COL11A2: variants seen among roughly 807,000 people sequenced by gnomAD.
The protein encoded by COL11A2 is collagen alpha-2(XI) chain.
COL11A2 carries 116 observed loss-of-function variants against 273.4 expected under a neutral mutation model. That is an observed-to-expected ratio of 0.42 (90% CI 0.36 to 0.49). The LOEUF (loss-of-function observed/expected upper bound fraction) is 0.49. Ranked by LOEUF, COL11A2 falls within the 20% of genes least tolerant of loss-of-function variation. COL11A2 has a pLI of 0.00. For missense variants in COL11A2, 1,866 were observed against 2,309.0 expected (o/e 0.81, Z 3.93); for synonymous variants, 782 against 864.2 (o/e 0.90, Z 1.67).
chr6:33,176,388 T>A lies in COL11A2; in HGVS notation c.2169+45A>T, dbSNP rs762650312. 6.2e-7 allele frequency: 1 copy of A among 1,607,532 alleles called. No individual in the cohort carries two copies. The highest frequency in any genetic ancestry group is 2.2e-5 in the East Asian group (1 of 44,802). On this transcript the variant is annotated intron_variant, in intron 27 of 65. Transcript: ENST00000341947. The surrounding 1 kb of genome is among the most constrained non-coding windows in gnomAD (Gnocchi z 4.9). ...CCAAGCTCCTAAGACCCCATATAGCTCCCCTGACCACAGCCCTTTGTCTCC... is the reference window on the plus strand; with the variant it reads ...CCAAGCTCCTAAGACCCCATATAGCACCCCTGACCACAGCCCTTTGTCTCC...
In COL11A2 at chr6:33,169,094, T is replaced by C. The variant is rs1368838027; in HGVS notation, c.3799-86A>G. Reference sequence around the variant, plus strand: ...GCCCACAGGCACACGCCACTGCCTCTCTAGAGGCAGTGCCCACCAGTACCC... The same window carrying C: ...GCCCACAGGCACACGCCACTGCCTCCCTAGAGGCAGTGCCCACCAGTACCC... On this transcript the variant is annotated intron_variant, in intron 51 of 65. Transcript: ENST00000341947. This position sits in a 1 kb window ranked among gnomAD's most constrained non-coding sequence, Gnocchi z 5.5. 7.3e-7 allele frequency: 1 copy of C among 1,361,550 alleles called. No homozygotes were observed. Among genetic ancestry groups the C allele is most frequent in the Non-Finnish European group, 1.0e-6 (1 of 992,010 alleles). 84.3% of individuals were successfully genotyped at this position (1,361,550 alleles called of 1,614,324 possible). A position where few individuals can be genotyped will look rare whatever the true frequency, so the allele number is the denominator to read the frequency against.
chr6:33,177,806 C>A lies in COL11A2; in HGVS notation c.1873-100G>T. The A allele has an allele frequency of 1.5e-6, 2 of 1,306,926 alleles. No homozygotes were observed. The highest frequency in any genetic ancestry group is 2.2e-6 in the Non-Finnish European group (2 of 915,288). 81.0% of individuals were successfully genotyped at this position (1,306,926 alleles called of 1,614,324 possible). A position where few individuals can be genotyped will look rare whatever the true frequency, so the allele number is the denominator to read the frequency against. On this transcript the variant is annotated intron_variant, in intron 21 of 65. Coordinates refer to ENST00000341947, the MANE Select transcript of COL11A2 (RefSeq NM_080680.3). This position sits in a 1 kb window ranked among gnomAD's most constrained non-coding sequence, Gnocchi z 5.9. Reference sequence around the variant, plus strand: ...CCCGAGGGTGTGACGGTCAGACCTCCAATCCATCCCAAACCCAAGCAAACA... The same window carrying A: ...CCCGAGGGTGTGACGGTCAGACCTCAAATCCATCCCAAACCCAAGCAAACA...
chr6:33,169,768 GT>G lies in COL11A2; in HGVS notation c.3690+62del. 6.3e-7 allele frequency: 1 copy of G among 1,599,542 alleles called. No individual in the cohort carries two copies. Among genetic ancestry groups the G allele is most frequent in the Non-Finnish European group, 8.6e-7 (1 of 1,166,844 alleles). ...CCAGCTCAAGGAGGTCACAGGAAAA[GT>G]GGAGGCAGGGTTGAGGCGGGTGACG... is the stretch of plus-strand genomic sequence containing the variant. On this transcript the variant is annotated intron_variant, in intron 50 of 65. Transcript: ENST00000341947. The surrounding 1 kb of genome is among the most constrained non-coding windows in gnomAD (Gnocchi z 5.5).
Position 33,172,618 on chromosome 6 carries a change from C to T in COL11A2, c.2810G>A (p.Gly937Asp). ...VGPQGAAGET[G>D]PMGERGHPGP... ...TGGGTGACCTCTCTCCCCCATAGGGCCGGTTTCTCCTGCTGCTCCCTAGAC... is the reference window on the plus strand; with the variant it reads ...TGGGTGACCTCTCTCCCCCATAGGGTCGGTTTCTCCTGCTGCTCCCTAGAC... The change falls in exon 39 of 66, where the codon GGC becomes GAC. Residue 937 changes from glycine (G) to aspartate (D), a missense_variant. By Grantham distance (94) the Gly-to-Asp change is moderately conservative. Transcript: ENST00000341947. The T allele has an allele frequency of 6.2e-7, 1 of 1,612,556 alleles. No homozygotes were observed. The highest frequency in any genetic ancestry group is 8.5e-7 in the Non-Finnish European group (1 of 1,179,918).
In COL11A2 at chr6:33,168,999, C is replaced by T. The variant is rs1187888330; in HGVS notation, c.3808G>A (p.Gly1270Ser). Reference protein sequence around the residue: ...DGPKGNPGPVGFPGDPGPPGE... With the variant: ...DGPKGNPGPVSFPGDPGPPGE... The stretch of plus-strand genomic sequence containing the variant: ...GGGGGGCCAGGGTCACCAGGAAAAC[C>T]AACAGGACCCTGATCCAGATGGAGA... Residue 1270 changes from glycine (G) to serine (S), a missense_variant, in exon 52 of 66, where the codon GGT becomes AGT. Physicochemically the swap from Gly to Ser is moderately conservative, Grantham distance 56 (BLOSUM62 0). Coordinates refer to ENST00000341947, the MANE Select transcript of COL11A2 (RefSeq NM_080680.3). 1.2e-6 allele frequency: 2 copies of T among 1,608,568 alleles called. No homozygotes were observed. The highest frequency in any genetic ancestry group is 1.3e-5 in the African/African-American group (1 of 74,650).
Position 33,168,703 on chromosome 6 carries a change from C to T in COL11A2, c.3906+3G>A, listed in dbSNP as rs753416903. Reference sequence around the variant, plus strand: ...GGGGGTGGTGGGGTCACCAGGCACTCACAGGCTGTCCTGGCTCACCATCCT... The same window carrying T: ...GGGGGTGGTGGGGTCACCAGGCACTTACAGGCTGTCCTGGCTCACCATCCT... On this transcript the variant is annotated splice_donor_region_variant and intron_variant, in intron 53 of 65. Transcript: ENST00000341947. 7 of 1,590,922 alleles carry T rather than the reference C, an allele frequency of 4.4e-6. No homozygotes were observed. The South Asian group carries it at 8.0e-5, about 18-fold the overall frequency.
intron 4 of COL11A2, among the ~76,000 whole-genome samples, chr6:33,187,663 C>T (rs571308898): frequency 1.3e-5 from 2 of 152,008 alleles, no homozygotes; most frequent in East Asian, 1.9e-4. Context: ...TAGATGGAAG[C>T]AAATGGGTGA....
chr6:33,177,333 A>G lies in COL11A2; in HGVS notation c.1971+79T>C. ...GGGCCTGAAACCCTTAATTTCCTGTATCCTTCCAGGGTCTCACCCATTGTG... is the reference window on the plus strand; with the variant it reads ...GGGCCTGAAACCCTTAATTTCCTGTGTCCTTCCAGGGTCTCACCCATTGTG... On this transcript the variant is annotated intron_variant, in intron 23 of 65. Transcript: ENST00000341947. The surrounding 1 kb of genome is among the most constrained non-coding windows in gnomAD (Gnocchi z 5.9). 2 of 1,603,144 alleles carry G rather than the reference A, an allele frequency of 1.2e-6. No individual in the cohort carries two copies. Among genetic ancestry groups the G allele is most frequent in the East Asian group, 2.2e-5 (1 of 44,810 alleles).
chr6:33,174,464 G>A, intron 31 of COL11A2, 63 bp downstream of exon 31: 2 of 1,589,248 alleles, frequency 1.3e-6, no homozygotes, highest in Non-Finnish European at 1.7e-6. Context: ...CTGGAATCAG[G>A]GATCAGGGAA....
In COL11A2 at chr6:33,173,380, G is replaced by A. The variant is rs774354851; in HGVS notation, c.2704C>T (p.Leu902=). The change falls in exon 37 of 66, where the codon CTG becomes TTG. Residue 902 remains leucine, a synonymous_variant. Transcript: ENST00000341947. The surrounding 1 kb of genome is among the most constrained non-coding windows in gnomAD (Gnocchi z 6.3). ...GPPGPPGKDG[L]PGHPGQRGEV... ...CCTCTTTGGCCTGGGTGTCCCGGCA[G>A]CCCATCCTTCCCAGGGGGGCCCTGG... is the stretch of plus-strand genomic sequence containing the variant. The A allele has an allele frequency of 2.5e-6, 4 of 1,612,758 alleles. No individual in the cohort carries two copies. Among genetic ancestry groups the A allele is most frequent in the Middle Eastern group, 3.3e-4 (2 of 6,062 alleles).
Position 33,178,932 on chromosome 6 carries a change from A to G in COL11A2, c.1653T>C (p.Asp551=). 1.2e-6 allele frequency: 2 copies of G among 1,613,902 alleles called. No individual in the cohort carries two copies. The highest frequency in any genetic ancestry group is 1.1e-5 in the South Asian group (1 of 91,078). ...CCAAGCCTGTTACCTTCACTCCAGG[A>G]TCTCCAGGCATCCCTCGGGCTCCAT... ...GADGARGMPG[D]PGVKGDRGFD... is the part of the protein sequence containing the mutation. Residue 551 remains aspartate (D), a synonymous_variant, in exon 17 of 66, where the codon GAT becomes GAC. Transcript: ENST00000341947. This position sits in a 1 kb window ranked among gnomAD's most constrained non-coding sequence, Gnocchi z 4.6.
intron 8 of COL11A2, among the ~76,000 whole-genome samples, chr6:33,181,575 A>G (rs1583357208): frequency 6.6e-6 from 1 of 152,128 alleles, no homozygotes; most frequent in South Asian, 2.1e-4. Context: ...TCCAGGTTCA[A>G]GTGATTCTCC....
rs1216685922 is a variant in COL11A2, at chr6:33,182,710, CA to C, written c.1119+1434del. ...TGGGTGACAGAGTGAGACCCTGCCT[CA>C]AAAAAAAAAAAAATTGGAGAGCAGT... On this transcript the variant is annotated intron_variant, in intron 8 of 65. Transcript: ENST00000341947. Among the ~76,000 whole-genome samples, 396 of 120,240 alleles carry C rather than the reference CA, an allele frequency of 3.3e-3. 6 individuals are homozygous for C. In the South Asian group the frequency reaches 0.038, roughly 12 times the overall value. The allele number at this position is 120,240 out of a possible 152,430, so 78.9% of individuals were successfully genotyped here.
intron 6 of COL11A2, 149 bp downstream of exon 6, chr6:33,185,552 G>A: frequency 4.4e-6 from 2 of 455,498 alleles, no homozygotes; most frequent in Non-Finnish European, 8.9e-6. Flanking sequence ...CAGAGAGACA[G>A]GGAGGGGGCA....
Position 33,177,739 on chromosome 6 carries a change from G to A in COL11A2, c.1873-33C>T. 1 of 1,612,760 alleles carries A rather than the reference G, an allele frequency of 6.2e-7. No individual in the cohort carries two copies. Among genetic ancestry groups the A allele is most frequent in the Non-Finnish European group, 8.5e-7 (1 of 1,179,854 alleles). Reference sequence around the variant, plus strand: ...ACAAGATGGGTGTGAGCAGCCTGAAGGTGGCCCGGAGGGACCTGTGGTTTT... The same window carrying A: ...ACAAGATGGGTGTGAGCAGCCTGAAAGTGGCCCGGAGGGACCTGTGGTTTT... On this transcript the variant is annotated intron_variant, in intron 21 of 65. Coordinates refer to ENST00000341947, the MANE Select transcript of COL11A2 (RefSeq NM_080680.3). This position sits in a 1 kb window ranked among gnomAD's most constrained non-coding sequence, Gnocchi z 5.9.
intron 43 of COL11A2, 54 bp downstream of exon 43, chr6:33,171,413 G>A: frequency 6.2e-7 from 1 of 1,607,652 alleles, no homozygotes; most frequent in Non-Finnish European, 8.5e-7. Context: ...TCATGCCCAG[G>A]TCAGCCATCT....
At position 33,165,708 on chromosome 6, in the gene COL11A2, C is replaced by T. The variant is rs566171449; in HGVS notation, c.4591G>A (p.Gly1531Arg). Residue 1531 changes from glycine (G) to arginine (R), a missense_variant, in exon 63 of 66, where the codon GGG (glycine) becomes AGG (arginine). Gly to Arg is a moderately radical substitution (Grantham distance 125). Coordinates refer to ENST00000341947, the MANE Select transcript of COL11A2 (RefSeq NM_080680.3). The surrounding 1 kb of genome is among the most constrained non-coding windows in gnomAD (Gnocchi z 7.7). Reference protein sequence around the residue: ...LMQEDEAIPTGGAPGSPGGLE... With the variant: ...LMQEDEAIPTRGAPGSPGGLE... ...CCCCCAGGACTGCCGGGGGCTCCCC[C>T]GGTCGGTATGGCCTCATCTTCCTGC... 23 of 1,610,948 alleles carry T rather than the reference C, an allele frequency of 1.4e-5. 1 individual carries two copies. Among genetic ancestry groups the T allele is most frequent in the African/African-American group, 2.7e-5 (2 of 74,912 alleles).
chr6:33,168,117 G>C (rs960515382), intron 54 of COL11A2, among the ~76,000 whole-genome samples: 2 of 151,994 alleles, frequency 1.3e-5, no homozygotes, highest in South Asian at 4.1e-4. Context: ...AACTAAAAAG[G>C]TTCACCCCTG....
In COL11A2 at chr6:33,178,333, C is replaced by T. The variant is rs1322729821; in HGVS notation, c.1793G>A (p.Gly598Glu). The T allele has an allele frequency of 6.2e-7, 1 of 1,612,822 alleles. No homozygotes were observed. Among genetic ancestry groups the T allele is most frequent in the Non-Finnish European group, 8.5e-7 (1 of 1,179,980 alleles). The change falls in exon 20 of 66, where the codon GGG (glycine) becomes GAG (glutamate). Residue 598 changes from glycine to glutamate, a missense_variant. Transcript: ENST00000341947. This position sits in a 1 kb window ranked among gnomAD's most constrained non-coding sequence, Gnocchi z 4.6. ...DGERGDDGEIGPRGLPGESGP... is the reference protein window; with the variant it reads ...DGERGDDGEIEPRGLPGESGP... ...CGACTCTCCAGGCAGCCCTCGAGGC[C>T]CAATCTCCCCGTCATCTCCCTGGAG...
Sources: allele counts gnomAD v4.1 joint callset (sites outside exome capture counted in the v4.1 genomes callset), GRCh38; gene constraint gnomAD v4.1.1; non-coding constraint Gnocchi (gnomAD v3.1); transcripts MANE v1.5; gene names NCBI Gene and HGNC (gene_info 2026-07-23, HGNC 2026-07-21).